The following CDC14A variants were observed in gnomAD, a reference collection of about 807,000 sequenced individuals.
CDC14A encodes dual specificity protein phosphatase CDC14A.
Under a neutral mutation model 74.4 loss-of-function variants are expected in CDC14A, and 53 were observed. That is an observed-to-expected ratio of 0.71 (90% CI 0.57 to 0.89). CDC14A has a LOEUF of 0.89. CDC14A is among the 40% of genes least tolerant of loss of function. The pLI is 0.00. For synonymous variants in CDC14A, 247 were observed against 258.4 expected, an observed-to-expected ratio of 0.96 and a Z score of 0.43; for missense variants, 646 against 713.7, an observed-to-expected ratio of 0.91 and a Z score of 1.08.
At chr1:100,493,615 T>C (rs563484401) in intron 11 of CDC14A, among the ~76,000 whole-genome samples, 1 of 152,370 alleles carries the variant, frequency 6.6e-6, no homozygotes, top group East Asian at 1.9e-4. Flanking sequence ...TCCATGATCC[T>C]GTGACTGTTG....
At chr1:100,498,443 T>C (rs889222193) in intron 14 of CDC14A, among the ~76,000 whole-genome samples, 2 of 152,208 alleles carry the variant, frequency 1.3e-5, no homozygotes, top group African/African-American at 4.8e-5. Flanking sequence ...GCTGGCTTAG[T>C]GTGATCCAGA....
chr1:100,509,654 G>C (rs1358311473), intron 15 of CDC14A, among the ~76,000 whole-genome samples: 1 of 152,232 alleles, frequency 6.6e-6, no homozygotes, highest in African/African-American at 2.4e-5. Context: ...GTGCAAAGAA[G>C]CACAGACACC....
chr1:100,413,607 ACATGGGAAGCAAC>A (rs1661153184), intron 4 of CDC14A, among the ~76,000 whole-genome samples: 1 of 152,208 alleles, frequency 6.6e-6, no homozygotes, highest in Non-Finnish European at 1.5e-5. Context: ...TGCCATAAGT[ACATGGGAAGCAAC>A]CCCCACAAGT....
At chr1:100,470,705 A>T (rs1010302574) in intron 10 of CDC14A, among the ~76,000 whole-genome samples, 4 of 152,186 alleles carry the variant, frequency 2.6e-5, no homozygotes, top group African/African-American at 9.6e-5. Flanking sequence ...AAGATGTCCA[A>T]CATCATTAGC....
intron 8 of CDC14A, among the ~76,000 whole-genome samples, chr1:100,459,681 G>A (rs1667127598): frequency 2.0e-5 from 3 of 152,160 alleles, no homozygotes; most frequent in Admixed American, 2.0e-4. Context: ...CCAGGACTTT[G>A]TTGTGGTTCA....
chr1:100,445,248 A>G (rs979152356), intron 7 of CDC14A, among the ~76,000 whole-genome samples: 2 of 152,220 alleles, frequency 1.3e-5, no homozygotes, highest in African/African-American at 4.8e-5. Context: ...CTAGGTGTCT[A>G]CATTATATGA....
At chr1:100,514,327 G>T (rs537658296) in intron 15 of CDC14A, among the ~76,000 whole-genome samples, 33 of 152,192 alleles carry the variant, frequency 2.2e-4, no homozygotes, top group African/African-American at 7.9e-4. Context: ...TTCTTATAAT[G>T]AAAATTTCTT....
chr1:100,413,592 AAAGTTGCCAT>A (rs1327603158), intron 4 of CDC14A, among the ~76,000 whole-genome samples: 3 of 152,216 alleles, frequency 2.0e-5, no homozygotes, highest in Non-Finnish European at 4.4e-5. Context: ...CAGACTGCCT[AAAGTTGCCAT>A]AAGTACATGG....
chr1:100,366,184 T>G (rs1653573055), intron 2 of CDC14A, among the ~76,000 whole-genome samples: 1 of 152,236 alleles, frequency 6.6e-6, no homozygotes, highest in African/African-American at 2.4e-5. Context: ...TTGGCATGCC[T>G]TATAACGATC....
At chr1:100,352,003 T>TGTGTGTGC (rs1553167114), upstream of CDC14A, among the ~76,000 whole-genome samples, 6 of 122,796 alleles carry the variant, frequency 4.9e-5, no homozygotes, top group African/African-American at 1.8e-4. Context: ...TGTGTGTGTG[T>TGTGTGTGC]GCGCGCGCGC....
chr1:100,492,169 C>G (rs1023646293), intron 11 of CDC14A, among the ~76,000 whole-genome samples: 3 of 152,084 alleles, frequency 2.0e-5, no homozygotes, highest in African/African-American at 7.2e-5. Context: ...AAAATACATG[C>G]AAAGTAATTA....
At chr1:100,437,460 A>G (rs1664473305) in intron 5 of CDC14A, among the ~76,000 whole-genome samples, 1 of 152,230 alleles carries the variant, frequency 6.6e-6, no homozygotes, top group East Asian at 1.9e-4. Flanking sequence ...CTGACACAGT[A>G]GGTGCTCAAA....
intron 10 of CDC14A, among the ~76,000 whole-genome samples, chr1:100,472,950 T>A (rs542180866): frequency 2.8e-4 from 43 of 152,210 alleles, no homozygotes; most frequent in African/African-American, 1.0e-3. Context: ...AATGCCACAC[T>A]CTCTTGATTA....
intron 15 of CDC14A, among the ~76,000 whole-genome samples, chr1:100,505,912 A>C (rs542202394): frequency 1.3e-5 from 2 of 152,178 alleles, no homozygotes; most frequent in African/African-American, 4.8e-5. Flanking sequence ...TGGAAGGCAA[A>C]AGGGGATCTT....
intron 10 of CDC14A, among the ~76,000 whole-genome samples, chr1:100,479,501 T>A (rs1483794119): frequency 1.3e-5 from 2 of 152,338 alleles, no homozygotes; most frequent in East Asian, 3.9e-4. Context: ...TACCATTTCC[T>A]TTTATGGTTT....
intron 2 of CDC14A, among the ~76,000 whole-genome samples, chr1:100,370,887 A>G (rs1202848260): frequency 2.0e-5 from 3 of 152,138 alleles, no homozygotes; most frequent in Admixed American, 2.0e-4. Flanking sequence ...GAAACTGTAG[A>G]TTGCTTTGGG....
intron 10 of CDC14A, 126 bp downstream of exon 10, chr1:100,468,220 G>T: frequency 1.0e-6 from 1 of 1,004,022 alleles, no homozygotes; most frequent in Non-Finnish European, 1.5e-6. Context: ...AGAAGTGTGT[G>T]CCTCTAATAG....
intron 10 of CDC14A, among the ~76,000 whole-genome samples, chr1:100,484,065 A>G (rs991074618): frequency 1.8e-4 from 28 of 152,172 alleles, no homozygotes; most frequent in African/African-American, 6.8e-4. Flanking sequence ...CTATATAGAC[A>G]AATATTGGAG....
At chr1:100,484,896 A>G (rs1316432883) in intron 11 of CDC14A, 17 of 978,660 alleles carry the variant, frequency 1.7e-5, no homozygotes, top group Non-Finnish European at 2.4e-6. Context: ...TTAAGGCTCT[A>G]CTGTAAACAA....
Sources: gnomAD v4.1 joint callset for allele counts (sites outside exome capture counted in the v4.1 genomes callset) on GRCh38, gnomAD v4.1.1 for gene constraint, MANE v1.5 for transcripts, NCBI Gene and HGNC (gene_info 2026-07-23, HGNC 2026-07-21) for gene names.